Variants in SLCO3A1 observed in about 807,000 individuals in gnomAD.
SLCO3A1 encodes the protein PGE1 transporter.
SLCO3A1 carries 27 observed loss-of-function variants against 63.1 expected under a neutral mutation model. That is an observed-to-expected ratio of 0.43 (90% CI 0.32 to 0.59). The LOEUF is 0.59. Ranked by LOEUF, SLCO3A1 falls within the 20% of genes least tolerant of loss-of-function variation. The pLI is 0.09. For synonymous variants in SLCO3A1, 473 were observed against 409.9 expected, an observed-to-expected ratio of 1.15 and a Z score of -1.86; for missense variants, 773 against 945.8, an observed-to-expected ratio of 0.82 and a Z score of 2.40.
chr15:92,044,054 C>T (rs972663049), intron 2 of SLCO3A1, among the ~76,000 whole-genome samples: 1 of 152,202 alleles, frequency 6.6e-6, no homozygotes, highest in Non-Finnish European at 1.5e-5. Context: ...TTCTCTCCTA[C>T]TCTTGCCGTA....
intron 2 of SLCO3A1, among the ~76,000 whole-genome samples, chr15:91,943,313 T>A (rs1257487983): frequency 1.3e-5 from 2 of 152,188 alleles, no homozygotes; most frequent in African/African-American, 2.4e-5. Flanking sequence ...CCTAGTTACC[T>A]CCTGGAAGTG....
At chr15:92,034,803 G>A (rs910506157) in intron 2 of SLCO3A1, among the ~76,000 whole-genome samples, 5 of 151,972 alleles carry the variant, frequency 3.3e-5, no homozygotes, top group Middle Eastern at 3.2e-3. Context: ...TCATTGAGAC[G>A]TTGGCTGGCC....
chr15:92,168,139 T>C (rs539979701), downstream of SLCO3A1, among the ~76,000 whole-genome samples: 1 of 152,134 alleles, frequency 6.6e-6, no homozygotes, highest in Non-Finnish European at 1.5e-5. Flanking sequence ...AATGGGATAA[T>C]AGTATTAAGA....
chr15:92,122,164 A>T (rs1399884133), intron 5 of SLCO3A1, among the ~76,000 whole-genome samples: 1 of 152,122 alleles, frequency 6.6e-6, no homozygotes, highest in Non-Finnish European at 1.5e-5. Flanking sequence ...GAGAGAGGGA[A>T]TGTGGTGGAC....
At chr15:92,166,832 C>T (rs1465494424), downstream of SLCO3A1, among the ~76,000 whole-genome samples, 1 of 152,168 alleles carries the variant, frequency 6.6e-6, no homozygotes, top group Non-Finnish European at 1.5e-5. Context: ...CGTGTGCCTG[C>T]TGGGCTGGTT....
intron 3 of SLCO3A1, among the ~76,000 whole-genome samples, chr15:92,098,399 C>G (rs1411294304): frequency 6.6e-6 from 1 of 152,206 alleles, no homozygotes; most frequent in Non-Finnish European, 1.5e-5. Flanking sequence ...CCCTTTGCTC[C>G]TCAGCTCAGG....
At chr15:91,979,176 G>T (rs1901237331) in intron 2 of SLCO3A1, among the ~76,000 whole-genome samples, 2 of 152,170 alleles carry the variant, frequency 1.3e-5, no homozygotes, top group Non-Finnish European at 2.9e-5. Flanking sequence ...AAAAGCTTGG[G>T]ACCAGAAGTG....
intron 1 of SLCO3A1, among the ~76,000 whole-genome samples, chr15:91,903,300 T>C (rs1898207097): frequency 1.3e-5 from 2 of 152,218 alleles, no homozygotes; most frequent in Non-Finnish European, 2.9e-5. Flanking sequence ...CTCCTAGCTC[T>C]AGGAACTGCC....
At position 91,971,394 on chromosome 15, in the gene SLCO3A1, C is replaced by CAAAAAAAAA. The variant is rs796386299; in HGVS notation, c.646+54944_646+54952dup. Among the ~76,000 whole-genome samples the CAAAAAAAAA allele has an allele frequency of 3.2e-3, 125 of 39,286 alleles. 15 individuals are homozygous for CAAAAAAAAA. The highest frequency in any genetic ancestry group is 7.6e-3 in the Admixed American group (18 of 2,384). 25.8% of individuals were successfully genotyped at this position (39,286 alleles called of 152,430 possible). On this transcript the variant is annotated intron_variant, in intron 2 of 9. Transcript: ENST00000318445. ...TGGGTGACAGAGCGAGACTCCATCT[C>CAAAAAAAAA]AAAAAAAAAAAAAAAAGCAACCTCT...
At chr15:91,926,518 C>G (rs1899016150) in intron 2 of SLCO3A1, among the ~76,000 whole-genome samples, 1 of 149,626 alleles carries the variant, frequency 6.7e-6, no homozygotes, top group Non-Finnish European at 1.5e-5. Flanking sequence ...TGAGTATGTT[C>G]CATTCCCAGC....
intron 9 of SLCO3A1, chr15:92,161,808 C>G (rs1158332004): frequency 7.3e-6 from 1 of 137,184 alleles, no homozygotes; most frequent in Non-Finnish European, 1.6e-5. Flanking sequence ...TGTAGAACAC[C>G]ACACACAGTA....
intron 2 of SLCO3A1, among the ~76,000 whole-genome samples, chr15:92,018,742 AG>A (rs1028420482): frequency 2.1e-4 from 32 of 152,090 alleles, no homozygotes; most frequent in African/African-American, 7.5e-4. Flanking sequence ...ATGGCATCAG[AG>A]GGGATCACGG....
intron 2 of SLCO3A1, among the ~76,000 whole-genome samples, chr15:92,046,336 G>GA (rs2046862854): frequency 6.6e-6 from 1 of 151,690 alleles, no homozygotes; most frequent in Non-Finnish European, 1.5e-5. Flanking sequence ...CCAACATGGT[G>GA]AAACCTTGTC....
chr15:92,138,144 T>C (rs1302713166), intron 7 of SLCO3A1, among the ~76,000 whole-genome samples: 1 of 117,620 alleles, frequency 8.5e-6, no homozygotes, highest in Non-Finnish European at 1.7e-5. Context: ...CTTGAATTGA[T>C]TTTTGTGTAA....
chr15:92,157,782 C>G (rs560201671), intron 9 of SLCO3A1, among the ~76,000 whole-genome samples: 1 of 152,268 alleles, frequency 6.6e-6, no homozygotes, highest in South Asian at 2.1e-4. Flanking sequence ...GCAAGGGAAC[C>G]AGATTTTTGG....
At chr15:92,039,060 A>C (rs1007842506) in intron 2 of SLCO3A1, among the ~76,000 whole-genome samples, 2 of 152,228 alleles carry the variant, frequency 1.3e-5, no homozygotes, top group Non-Finnish European at 2.9e-5. Flanking sequence ...TAGAAAACTG[A>C]AACTGGACCC....
At chr15:92,034,260 A>G (rs2046694866) in intron 2 of SLCO3A1, among the ~76,000 whole-genome samples, 1 of 151,432 alleles carries the variant, frequency 6.6e-6, no homozygotes, top group Non-Finnish European at 1.5e-5. Context: ...TTCGATGTAG[A>G]GAAGGGGAAG....
chr15:91,899,272 G>A (rs1457504945), intron 1 of SLCO3A1, among the ~76,000 whole-genome samples: 2 of 152,142 alleles, frequency 1.3e-5, no homozygotes, highest in East Asian at 1.9e-4. Context: ...TTCAGTGTGG[G>A]GGGGATGGGG....
At chr15:92,096,246 C>T (rs1262061205) in intron 3 of SLCO3A1, among the ~76,000 whole-genome samples, 2 of 152,182 alleles carry the variant, frequency 1.3e-5, no homozygotes, top group Non-Finnish European at 2.9e-5. Flanking sequence ...CTGAAGCAAA[C>T]AACCCAAGAG....
Sources: allele counts gnomAD v4.1 joint callset (sites outside exome capture counted in the v4.1 genomes callset), GRCh38; gene constraint gnomAD v4.1.1; transcripts MANE v1.5; gene names NCBI Gene and HGNC (gene_info 2026-07-23, HGNC 2026-07-21).